The following AGBL1 variants were observed in gnomAD, a reference collection of about 807,000 sequenced individuals.
The protein encoded by AGBL1 is cytosolic carboxypeptidase 4.
In AGBL1, 130 loss-of-function variants were observed where a neutral mutation model predicts 118.9. The ratio of observed to expected loss-of-function variants is 1.09; its 90% CI spans 0.95 to 1.26. AGBL1 has a LOEUF of 1.26. Ranked by LOEUF, AGBL1 falls within the 50% of genes most tolerant of loss-of-function variation. The probability of loss-of-function intolerance (pLI) is 0.00; values close to 1 mark genes in which losing one functional copy is unlikely to be tolerated. For synonymous variants in AGBL1, 555 were observed against 478.9 expected (o/e 1.16, Z -2.08); for missense variants, 1,584 against 1,298.1 (o/e 1.22, Z -3.38).
chr15:86,497,590 G>A (rs1361442806), intron 18 of AGBL1, among the ~76,000 whole-genome samples: 2 of 151,860 alleles, frequency 1.3e-5, no homozygotes, highest in South Asian at 2.1e-4. Context: ...ATGCCCCTAG[G>A]TTAGGGACCT....
chr15:86,701,375 T>C (rs1180295203), intron 22 of AGBL1, among the ~76,000 whole-genome samples: 1 of 152,048 alleles, frequency 6.6e-6, no homozygotes, highest in East Asian at 1.9e-4. Context: ...GAAGCTAGAA[T>C]TGTTAATAAT....
At chr15:86,286,580 G>A (rs188945013) in intron 16 of AGBL1, among the ~76,000 whole-genome samples, 15 of 151,500 alleles carry the variant, frequency 9.9e-5, no homozygotes, top group South Asian at 4.2e-4. Flanking sequence ...GTCTCTCTGC[G>A]CCCAGCATTT....
intron 17 of AGBL1, 75 bp downstream of exon 17, chr15:86,295,483 C>G: frequency 7.0e-7 from 1 of 1,432,012 alleles, no homozygotes; most frequent in Non-Finnish European, 9.3e-7. Flanking sequence ...CATTCTGTCT[C>G]TTTTAGATCA....
chr15:86,658,809 GA>G (rs1194668800), intron 21 of AGBL1, among the ~76,000 whole-genome samples: 1 of 152,056 alleles, frequency 6.6e-6, no homozygotes, highest in Non-Finnish European at 1.5e-5. Context: ...TTGATTTAGG[GA>G]AAAAACGTGG....
At chr15:86,434,299 A>C (rs924974070) in intron 18 of AGBL1, among the ~76,000 whole-genome samples, 2 of 152,224 alleles carry the variant, frequency 1.3e-5, no homozygotes, top group Non-Finnish European at 2.9e-5. Context: ...AAAGTGAAAA[A>C]AGGTCCACTT....
chr15:86,304,029 G>A (rs1185551852), intron 17 of AGBL1, among the ~76,000 whole-genome samples: 1 of 152,122 alleles, frequency 6.6e-6, no homozygotes, highest in African/African-American at 2.4e-5. Flanking sequence ...TCTTTCAGCT[G>A]TGCAATAATG....
chr15:86,151,762 T>A (rs1053077382), intron 3 of AGBL1, among the ~76,000 whole-genome samples: 1 of 152,196 alleles, frequency 6.6e-6, no homozygotes, highest in African/African-American at 2.4e-5. Flanking sequence ...GACATGATTG[T>A]ATGTTTAGAA....
downstream of AGBL1, among the ~76,000 whole-genome samples, chr15:86,918,042 G>T (rs1424050142): frequency 1.3e-5 from 2 of 152,120 alleles, no homozygotes; most frequent in South Asian, 2.1e-4. Flanking sequence ...ATGAAAACAT[G>T]GGGGAAGCCA....
chr15:86,846,762 C>T (rs1300840374), intron 22 of AGBL1, among the ~76,000 whole-genome samples: 1 of 152,198 alleles, frequency 6.6e-6, no homozygotes, highest in Non-Finnish European at 1.5e-5. Context: ...GAACTCCTGA[C>T]CTCAAGTGAT....
intron 24 of AGBL1, among the ~76,000 whole-genome samples, chr15:86,998,457 T>C (rs1032210949): frequency 1.1e-4 from 16 of 152,192 alleles, no homozygotes; most frequent in African/African-American, 3.6e-4. Flanking sequence ...GAGTGGATAC[T>C]TTCCCAGCTG....
At chr15:86,552,770 C>G (rs757606948) in intron 20 of AGBL1, among the ~76,000 whole-genome samples, 2 of 152,034 alleles carry the variant, frequency 1.3e-5, no homozygotes, top group Admixed American at 1.3e-4. Flanking sequence ...AAGGGAGGGA[C>G]AAGAGTGGAT....
chr15:86,091,499 C>A (rs1896022911), intron 1 of AGBL1, among the ~76,000 whole-genome samples: 2 of 152,214 alleles, frequency 1.3e-5, no homozygotes, highest in Non-Finnish European at 2.9e-5. Flanking sequence ...TTCTGTCTGC[C>A]TATGCAGTTA....
intron 22 of AGBL1, among the ~76,000 whole-genome samples, chr15:86,771,989 G>T (rs1223862112): frequency 2.0e-5 from 3 of 151,910 alleles, no homozygotes; most frequent in Admixed American, 2.0e-4. Context: ...GGCCTGAGAG[G>T]GGCAGAATGT....
chr15:86,249,861 G>A (rs1597622254), intron 7 of AGBL1, among the ~76,000 whole-genome samples: 1 of 152,332 alleles, frequency 6.6e-6, no homozygotes, highest in South Asian at 2.1e-4. Flanking sequence ...ACCAAATGAA[G>A]CCCAGCATGA....
intron 22 of AGBL1, among the ~76,000 whole-genome samples, chr15:86,881,760 C>T (rs150247770): frequency 2.0e-3 from 307 of 152,234 alleles, no homozygotes; most frequent in African/African-American, 6.9e-3. Flanking sequence ...CTCAGCCTCC[C>T]AAGTAGCTGG....
At chr15:86,995,534 C>T (rs2081372118) in intron 24 of AGBL1, among the ~76,000 whole-genome samples, 1 of 150,768 alleles carries the variant, frequency 6.6e-6, no homozygotes, top group South Asian at 2.1e-4. Flanking sequence ...TTTTAGGAGA[C>T]ATAGAAATGT....
rs1182950792 is a variant in AGBL1 at position 86,660,712 on chromosome 15, A to G, written c.2995-13561A>G. On this transcript the variant is annotated intron_variant, in intron 21 of 22. Coordinates refer to ENST00000614907, the MANE Select transcript of AGBL1 (RefSeq NM_001386094.1). ...TTTTCTCTGCATTTGGTCAGGCCTCATTTACTGAACTGAATATAAAATTGC... is the reference window on the plus strand; with the variant it reads ...TTTTCTCTGCATTTGGTCAGGCCTCGTTTACTGAACTGAATATAAAATTGC... 4.6e-5 allele frequency among the ~76,000 whole-genome samples: 7 copies of G among 152,110 alleles called. No individual in the cohort carries two copies. The East Asian group carries it at 1.3e-3, about 29-fold the overall frequency.
intron 18 of AGBL1, among the ~76,000 whole-genome samples, chr15:86,429,818 T>C (rs572215386): frequency 6.6e-6 from 1 of 152,300 alleles, no homozygotes; most frequent in South Asian, 2.1e-4. Flanking sequence ...GCCAGAGACA[T>C]TAAAAGGAAC....
chr15:86,634,633 G>A (rs1453668738), intron 21 of AGBL1, among the ~76,000 whole-genome samples: 1 of 152,112 alleles, frequency 6.6e-6, no homozygotes, highest in Non-Finnish European at 1.5e-5. Flanking sequence ...TTAGATAGTG[G>A]TGAGGCCTGT....
Sources: gnomAD v4.1 joint callset for allele counts (sites outside exome capture counted in the v4.1 genomes callset) on GRCh38, gnomAD v4.1.1 for gene constraint, MANE v1.5 for transcripts, NCBI Gene and HGNC (gene_info 2026-07-23, HGNC 2026-07-21) for gene names.